The following BPHL variants were observed in gnomAD, a reference collection of about 807,000 sequenced individuals.
BPHL encodes biphenyl hydrolase like.
A neutral mutation model predicts 31.2 loss-of-function variants in BPHL; 27 were observed. That is an observed-to-expected ratio of 0.87 (90% CI 0.64 to 1.19). BPHL has a LOEUF of 1.19. BPHL is among the 50% of genes most tolerant of loss of function. The pLI is 0.00. For synonymous variants in BPHL, 150 were observed against 146.8 expected (o/e 1.02, Z -0.16); for missense variants, 356 against 375.7 (o/e 0.95, Z 0.43).
intron 4 of BPHL, among the ~76,000 whole-genome samples, chr6:3,130,098 C>T (rs767588527): frequency 7.9e-5 from 12 of 152,198 alleles, no homozygotes; most frequent in African/African-American, 2.7e-4. Context: ...TGAGCCCCCA[C>T]GCCCAGCCTG....
At chr6:3,151,564 C>G (rs903169464) in intron 6 of BPHL, among the ~76,000 whole-genome samples, 15 of 152,128 alleles carry the variant, frequency 9.9e-5, no homozygotes, top group Admixed American at 9.2e-4. Context: ...GAGCTGTCAG[C>G]CCCCCAGTAT....
chr6:3,136,815 T>C (rs1762026998), intron 4 of BPHL, among the ~76,000 whole-genome samples: 1 of 152,252 alleles, frequency 6.6e-6, no homozygotes, highest in Admixed American at 6.5e-5. Flanking sequence ...TAGTGAATCA[T>C]CTATAATACA....
At chr6:3,131,546 T>C (rs1761868871) in intron 4 of BPHL, among the ~76,000 whole-genome samples, 1 of 152,220 alleles carries the variant, frequency 6.6e-6, no homozygotes, top group African/African-American at 2.4e-5. Flanking sequence ...TTGTTCTCCA[T>C]AGGAGAGTTT....
chr6:3,146,338 T>G lies in BPHL; in HGVS notation c.788+5829T>G, dbSNP rs1310164693. Among the ~76,000 whole-genome samples the G allele has an allele frequency of 4.0e-5, 5 of 126,216 alleles. 1 individual carries two copies. In the East Asian group the frequency reaches 1.2e-3, roughly 30 times the overall value. 82.8% of individuals were successfully genotyped at this position (126,216 alleles called of 152,430 possible). ...TGCTGGTTCGGGTCAGAGTGCTGGT[T>G]CGGGGTGGAGTGCTGGTGTGGGTTG... On this transcript the variant is annotated intron_variant, in intron 6 of 6. Transcript: ENST00000380379.
chr6:3,119,259 A>G (rs983704631), intron 1 of BPHL: 7 of 1,532,032 alleles, frequency 4.6e-6, no homozygotes, highest in Non-Finnish European at 5.3e-6. Flanking sequence ...CATAAGGACA[A>G]TAATCTCTTC....
chr6:3,123,549 C>T lies in BPHL; in HGVS notation c.108-108C>T, dbSNP rs565252346. On this transcript the variant is annotated intron_variant, in intron 1 of 6. Transcript: ENST00000380379. Reference sequence around the variant, plus strand: ...TGTTAGCCGTAGTCATCCTACAGCGCGTAGAACACTAACACTTATTCCTCC... The same window carrying T: ...TGTTAGCCGTAGTCATCCTACAGCGTGTAGAACACTAACACTTATTCCTCC... 1.1e-3 allele frequency: 892 copies of T among 839,768 alleles called. 11 individuals carry two copies. The highest frequency in any genetic ancestry group is 2.7e-3 in the South Asian group (162 of 61,058). 52.0% of individuals were successfully genotyped at this position (839,768 alleles called of 1,614,324 possible). A position where few individuals can be genotyped will look rare whatever the true frequency, so the allele number is the denominator to read the frequency against.
In BPHL at chr6:3,140,426, C is replaced by A; in HGVS notation, c.705C>A (p.Pro235=). 2.5e-6 allele frequency: 4 copies of A among 1,614,140 alleles called. No individual in the cohort carries two copies. The highest frequency in any genetic ancestry group is 3.4e-6 in the Non-Finnish European group (4 of 1,180,028). Residue 235 remains proline, a synonymous_variant, in exon 6 of 7, where the codon CCC becomes CCA. Coordinates refer to ENST00000380379, the MANE Select transcript of BPHL (RefSeq NM_004332.4). The surrounding 1 kb of genome is among the most constrained non-coding windows in gnomAD (Gnocchi z 5.2). ...CRHLLPRVQC[P]ALIVHGEKDP... is the part of the protein sequence containing the mutation. ...ACCTGCTGCCCCGGGTCCAGTGCCC[C>A]GCCTTGATTGTGCACGGTGAGAAGG...
Position 3,148,683 on chromosome 6 carries a change from A to G in BPHL, c.789-3805A>G, listed in dbSNP as rs547744732. On this transcript the variant is annotated intron_variant, in intron 6 of 6. Coordinates refer to ENST00000380379, the MANE Select transcript of BPHL (RefSeq NM_004332.4). ...AGCTGCTGCTCAGGTGGAAGGGAAA[A>G]CCATCAGCTCCACACGCTGCTTGTG... Among the ~76,000 whole-genome samples the G allele has an allele frequency of 2.4e-3, 360 of 152,292 alleles. 3 individuals carry two copies. The highest frequency in any genetic ancestry group is 8.3e-3 in the African/African-American group (344 of 41,558).
At chr6:3,131,079 AGTG>A (rs1761856325) in intron 4 of BPHL, among the ~76,000 whole-genome samples, 1 of 152,104 alleles carries the variant, frequency 6.6e-6, no homozygotes, top group Non-Finnish European at 1.5e-5. Flanking sequence ...AGCCTGCAAA[AGTG>A]GGCACAATTC....
chr6:3,131,679 A>G (rs1761873647), intron 4 of BPHL, among the ~76,000 whole-genome samples: 1 of 151,522 alleles, frequency 6.6e-6, no homozygotes, highest in African/African-American at 2.4e-5. Context: ...ACATTCTCCC[A>G]TCTCCCCTTT....
intron 1 of BPHL, among the ~76,000 whole-genome samples, chr6:3,121,585 G>A (rs941006585): frequency 1.3e-5 from 2 of 152,050 alleles, no homozygotes; most frequent in Non-Finnish European, 2.9e-5. Flanking sequence ...CCAAAGTATC[G>A]GGATTACAGG....
At chr6:3,146,063 G>C in intron 6 of BPHL, among the ~76,000 whole-genome samples, 1 of 57,468 alleles carries the variant, frequency 1.7e-5, no homozygotes, top group Non-Finnish European at 3.9e-5. Flanking sequence ...GGGTTGGAGT[G>C]CTGGTTCGGG....
Position 3,152,724 on chromosome 6 carries a change from T to A in BPHL, c.*149T>A. 1 of 667,882 alleles carries A rather than the reference T, an allele frequency of 1.5e-6. No homozygotes were observed. Among genetic ancestry groups the A allele is most frequent in the Non-Finnish European group, 2.4e-6 (1 of 410,060 alleles). The allele number at this position is 667,882 out of a possible 1,614,324, so 41.4% of individuals were successfully genotyped here. ...TAACCAAATGAGAATAATGACATAT[T>A]GAAAACAGCCTCTAGCTTCAGGCTG... On this transcript the variant is annotated 3_prime_UTR_variant, in exon 7 of 7. Transcript: ENST00000380379.
chr6:3,147,341 T>G (rs1581489172), intron 6 of BPHL, among the ~76,000 whole-genome samples: 1 of 152,198 alleles, frequency 6.6e-6, no homozygotes, highest in Non-Finnish European at 1.5e-5. Context: ...TGGATACAGG[T>G]GAATAGGGCC....
intron 4 of BPHL, among the ~76,000 whole-genome samples, chr6:3,132,372 C>T (rs528890086): frequency 2.6e-5 from 4 of 152,224 alleles, no homozygotes; most frequent in Admixed American, 6.5e-5. Flanking sequence ...CTGGCTGACA[C>T]GTGCCTGCTC....
intron 4 of BPHL, among the ~76,000 whole-genome samples, chr6:3,132,207 C>T (rs527885434): frequency 5.1e-4 from 77 of 152,330 alleles, no homozygotes; most frequent in Middle Eastern, 3.4e-3. Context: ...GCCCCCACCA[C>T]GCACCTCCTC....
chr6:3,123,952 C>T (rs759288195), intron 2 of BPHL, 192 bp downstream of exon 2: 2 of 429,114 alleles, frequency 4.7e-6, no homozygotes, highest in Non-Finnish European at 8.2e-6. Context: ...ATTTTTTATT[C>T]CTTTAGTAAA....
At position 3,140,172 on chromosome 6, in the gene BPHL, C is replaced by T. The variant is rs747915617; in HGVS notation, c.665-214C>T. ...CTTATTTACTAGTAGAACTCAGAAA[C>T]AGGCAAACAAACAAGAAACAGAGAG... On this transcript the variant is annotated intron_variant, in intron 5 of 6. Transcript: ENST00000380379. The surrounding 1 kb of genome is among the most constrained non-coding windows in gnomAD (Gnocchi z 5.2). 12 of 588,702 alleles carry T rather than the reference C, an allele frequency of 2.0e-5. No homozygotes were observed. Among genetic ancestry groups the T allele is most frequent in the Non-Finnish European group, 3.2e-5 (11 of 346,094 alleles). The allele number at this position is 588,702 out of a possible 1,614,324, so 36.5% of individuals were successfully genotyped here. A position where few individuals can be genotyped will look rare whatever the true frequency, so the allele number is the denominator to read the frequency against.
intron 4 of BPHL, among the ~76,000 whole-genome samples, chr6:3,134,225 C>T (rs981429640): frequency 3.9e-5 from 6 of 152,018 alleles, no homozygotes; most frequent in African/African-American, 7.2e-5. Flanking sequence ...AAAACGACCC[C>T]GCCGCTGTCC....
Sources: allele counts gnomAD v4.1 joint callset (sites outside exome capture counted in the v4.1 genomes callset), GRCh38; gene constraint gnomAD v4.1.1; non-coding constraint Gnocchi (gnomAD v3.1); transcripts MANE v1.5; gene names NCBI Gene and HGNC (gene_info 2026-07-23, HGNC 2026-07-21).